The following DENND6A variants were observed in gnomAD, a reference collection of about 807,000 sequenced individuals.
The protein encoded by DENND6A is DENN domain containing 6A.
A neutral mutation model predicts 95.5 loss-of-function variants in DENND6A; 43 were observed. That is an observed-to-expected ratio of 0.45 (90% CI 0.35 to 0.58). The LOEUF (loss-of-function observed/expected upper bound fraction) is 0.58. Ranked by LOEUF, DENND6A falls within the 20% of genes least tolerant of loss-of-function variation. DENND6A has a pLI of 0.00. For synonymous variants in DENND6A, 257 were observed against 260.4 expected (o/e 0.99, Z 0.13); for missense variants, 574 against 736.0 (o/e 0.78, Z 2.55).
chr3:57,634,026 C>T (rs1488745760), intron 14 of DENND6A, among the ~76,000 whole-genome samples: 3 of 152,086 alleles, frequency 2.0e-5, no homozygotes, highest in Admixed American at 1.3e-4. Context: ...GGCTTTTTCA[C>T]TATAATTTCC....
chr3:57,670,869 C>G (rs546833039), intron 3 of DENND6A, among the ~76,000 whole-genome samples: 1 of 152,298 alleles, frequency 6.6e-6, no homozygotes, highest in East Asian at 1.9e-4. Flanking sequence ...TCAGCTTACT[C>G]TGAGACCTGG....
chr3:57,686,887 C>T (rs565689908), intron 1 of DENND6A, among the ~76,000 whole-genome samples: 1 of 152,286 alleles, frequency 6.6e-6, no homozygotes, highest in African/African-American at 2.4e-5. Flanking sequence ...GGAAGAGTCA[C>T]ACATCTCTCA....
intron 15 of DENND6A, among the ~76,000 whole-genome samples, chr3:57,632,478 A>C (rs1450439080): frequency 6.6e-6 from 1 of 152,130 alleles, no homozygotes; most frequent in Non-Finnish European, 1.5e-5. Flanking sequence ...TGCCCAGCCT[A>C]GTCCATGCTC....
At chr3:57,632,049 C>T (rs1334205851) in intron 15 of DENND6A, among the ~76,000 whole-genome samples, 10 of 113,590 alleles carry the variant, frequency 8.8e-5, no homozygotes, top group African/African-American at 3.4e-4. Flanking sequence ...GAGACGGAGT[C>T]TCACTCTTTC....
chr3:57,631,078 C>G, intron 15 of DENND6A, 100 bp from the exon 16 acceptor site: 1 of 1,016,160 alleles, frequency 9.8e-7, no homozygotes, highest in Non-Finnish European at 1.5e-6. Flanking sequence ...ATCATATGCC[C>G]TTTCAATGGA....
chr3:57,675,093 T>C (rs1174723817), intron 1 of DENND6A, among the ~76,000 whole-genome samples: 1 of 152,214 alleles, frequency 6.6e-6, no homozygotes, highest in Admixed American at 6.5e-5. Flanking sequence ...TTTATGTACA[T>C]GTTTATGTAA....
In DENND6A at chr3:57,688,683, C is replaced by A. The variant is rs561967320; in HGVS notation, c.237+4099G>T. 7.5e-4 allele frequency among the ~76,000 whole-genome samples: 113 copies of A among 150,108 alleles called. 1 individual carries two copies. The South Asian group carries it at 0.023, about 30-fold the overall frequency. On this transcript the variant is annotated intron_variant, in intron 1 of 19. Coordinates refer to ENST00000311128, the MANE Select transcript of DENND6A (RefSeq NM_152678.3). ...AGAACAGACATGCAAAGACCAAAGA[C>A]AAAAAAAAACACACAGCTCCAGAGA...
chr3:57,633,230 C>A, intron 15 of DENND6A, 35 bp downstream of exon 15: 1 of 1,544,854 alleles, frequency 6.5e-7, no homozygotes, highest in South Asian at 1.1e-5. Flanking sequence ...TTCACCAAAT[C>A]ATTAAATTAT....
intron 14 of DENND6A, among the ~76,000 whole-genome samples, chr3:57,634,230 C>A (rs1036472699): frequency 6.6e-6 from 1 of 151,636 alleles, no homozygotes; most frequent in Non-Finnish European, 1.5e-5. Flanking sequence ...GCCAGGAGTT[C>A]GAGACCAGCC....
chr3:57,632,893 A>G (rs562908075), intron 15 of DENND6A, among the ~76,000 whole-genome samples: 1 of 152,250 alleles, frequency 6.6e-6, no homozygotes, highest in African/African-American at 2.4e-5. Context: ...TGTATTCAAG[A>G]TAAGTATCAG....
intron 18 of DENND6A, among the ~76,000 whole-genome samples, chr3:57,629,678 ATT>A (rs1208541846): frequency 1.2e-4 from 16 of 136,432 alleles, no homozygotes; most frequent in East Asian, 2.1e-4. Flanking sequence ...CGCCCGGCTA[ATT>A]TTTTTTTTTT....
chr3:57,692,872 G>T lies in DENND6A; in HGVS notation c.147C>A (p.Gly49=), dbSNP rs374652777. 8.9e-5 allele frequency: 141 copies of T among 1,585,304 alleles called. No homozygotes were observed. Among genetic ancestry groups the T allele is most frequent in the Non-Finnish European group, 1.1e-4 (128 of 1,169,950 alleles). ...AGCTGTCCCAGCGCAGCAGGCCCCG[G>T]CCACGGCCATCGTCCTCTTCATCGT... ...PEDDEEDDGR[G]RGLLRWDSFS... Residue 49 remains glycine (G), a synonymous_variant, in exon 1 of 20, where the codon GGC becomes GGA. Coordinates refer to ENST00000311128, the MANE Select transcript of DENND6A (RefSeq NM_152678.3).
intron 1 of DENND6A, among the ~76,000 whole-genome samples, chr3:57,682,181 T>C (rs1158936005): frequency 6.9e-6 from 1 of 144,990 alleles, no homozygotes; most frequent in Admixed American, 7.4e-5. Context: ...TGCGGGAAGC[T>C]GAAGCAGGAG....
chr3:57,667,529 C>T (rs969539013), intron 3 of DENND6A, among the ~76,000 whole-genome samples: 6 of 152,048 alleles, frequency 3.9e-5, no homozygotes, highest in African/African-American at 7.2e-5. Context: ...TAAGACAAAA[C>T]GTGAAGCTTC....
chr3:57,629,507 C>CTTT (rs1165802821), intron 18 of DENND6A, among the ~76,000 whole-genome samples: 60 of 98,220 alleles, frequency 6.1e-4, no homozygotes, highest in African/African-American at 8.1e-4. Context: ...AATCAGTCCG[C>CTTT]TTTTTTTTTT....
intron 1 of DENND6A, among the ~76,000 whole-genome samples, chr3:57,692,219 A>C (rs2077273135): frequency 1.4e-5 from 2 of 141,996 alleles, no homozygotes; most frequent in African/African-American, 5.3e-5. Context: ...CAAGAGCAAA[A>C]ACTCCGTCTC....
rs138210084 is a variant in DENND6A, at chr3:57,644,425, C to T, written c.1037+1236G>A. ...GGCTCAAGCCATCCTCCCACCTCAG[C>T]CTCATGAGTAGCTGGGACTACAGAT... is the stretch of plus-strand genomic sequence containing the variant. On this transcript the variant is annotated intron_variant, in intron 11 of 19. Coordinates refer to ENST00000311128, the MANE Select transcript of DENND6A (RefSeq NM_152678.3). Among the ~76,000 whole-genome samples the T allele has an allele frequency of 8.6e-3, 1,306 of 151,774 alleles. 12 individuals are homozygous for T. Among genetic ancestry groups the T allele is most frequent in the South Asian group, 0.05 (242 of 4,802 alleles).
intron 1 of DENND6A, among the ~76,000 whole-genome samples, chr3:57,672,786 TCAAA>T (rs1463207275): frequency 1.4e-5 from 2 of 148,082 alleles, no homozygotes; most frequent in Non-Finnish European, 3.0e-5. Flanking sequence ...CCGTCTCAAA[TCAAA>T]CAAACAAACA....
intron 1 of DENND6A, among the ~76,000 whole-genome samples, chr3:57,688,702 C>G (rs2077233380): frequency 6.6e-6 from 1 of 151,788 alleles, no homozygotes. Context: ...ACACACAGCT[C>G]CAGAGACAAA....
Sources: allele counts gnomAD v4.1 joint callset (sites outside exome capture counted in the v4.1 genomes callset), GRCh38; gene constraint gnomAD v4.1.1; transcripts MANE v1.5; gene names NCBI Gene and HGNC (gene_info 2026-07-23, HGNC 2026-07-21).